Variants in NKAIN1 observed in about 807,000 individuals in gnomAD.
NKAIN1 encodes the protein sodium/potassium-transporting ATPase subunit beta-1-interacting protein 1.
In NKAIN1, 13 loss-of-function variants were observed where a neutral mutation model predicts 31.6. The ratio of observed to expected loss-of-function variants is 0.41; its 90% CI spans 0.27 to 0.65. NKAIN1 has a LOEUF of 0.65. Among genes scored for constraint, NKAIN1 ranks in the 30% least tolerant of loss-of-function variants. NKAIN1 has a pLI of 0.30. For missense variants in NKAIN1, 193 were observed against 262.2 expected (o/e 0.74, Z 1.82); for synonymous variants, 104 against 109.0 (o/e 0.95, Z 0.28).
Position 31,239,454 on chromosome 1 carries a change from G to A in NKAIN1, c.54+40C>T. ...ACGCCCTGGGACCGCGCCCCGCCGC[G>A]CCCCACCCTGCCCCGACTGCCTGGG... On this transcript the variant is annotated intron_variant, in intron 1 of 6. Transcript: ENST00000373736. The surrounding 1 kb of genome is among the most constrained non-coding windows in gnomAD (Gnocchi z 4.8). 2 of 1,422,422 alleles carry A rather than the reference G, an allele frequency of 1.4e-6. No individual in the cohort carries two copies. Among genetic ancestry groups the A allele is most frequent in the Non-Finnish European group, 9.2e-7 (1 of 1,089,068 alleles). 88.1% of individuals were successfully genotyped at this position (1,422,422 alleles called of 1,614,324 possible). A position where few individuals can be genotyped will look rare whatever the true frequency, so the allele number is the denominator to read the frequency against.
In NKAIN1 at chr1:31,233,714, G is replaced by C. The variant is rs964224225; in HGVS notation, c.54+5780C>G. 2.2e-4 allele frequency among the ~76,000 whole-genome samples: 33 copies of C among 152,178 alleles called. No individual in the cohort carries two copies. The highest frequency in any genetic ancestry group is 7.7e-4 in the African/African-American group (32 of 41,432). On this transcript the variant is annotated intron_variant, in intron 1 of 6. Transcript: ENST00000373736. The surrounding 1 kb of genome is among the most constrained non-coding windows in gnomAD (Gnocchi z 4.0). ...GGCAGAGATGGGGCTGACGTGACTT[G>C]TCCAAGTCTCAAGGCAAATCATAGC...
At chr1:31,183,001 T>G (rs553030862) in intron 4 of NKAIN1, among the ~76,000 whole-genome samples, 2 of 152,152 alleles carry the variant, frequency 1.3e-5, no homozygotes, top group South Asian at 4.2e-4. Flanking sequence ...CCTTTCCTTC[T>G]TTCTTTCAGA....
Position 31,181,912 on chromosome 1 carries a change from C to T in NKAIN1, c.562G>A (p.Gly188Arg), listed in dbSNP as rs999999420. The T allele has an allele frequency of 6.2e-7, 1 of 1,607,228 alleles. No homozygotes were observed. Among genetic ancestry groups the T allele is most frequent in the Non-Finnish European group, 8.5e-7 (1 of 1,177,714 alleles). The change falls in exon 6 of 7, where the codon GGA becomes AGA. Residue 188 changes from glycine to arginine, a missense_variant. Coordinates refer to ENST00000373736, the MANE Select transcript of NKAIN1 (RefSeq NM_024522.3). ...FDFIGGFDSY[G>R]YQAPQKTSHL... is the part of the protein sequence containing the mutation. ...GACGTCTTCTGGGGCGCCTGGTATC[C>T]GTAGGAGTCAAAGCCGCCGATGAAG...
chr1:31,198,460 C>G (rs1192215984), intron 1 of NKAIN1, among the ~76,000 whole-genome samples: 1 of 152,136 alleles, frequency 6.6e-6, no homozygotes, highest in African/African-American at 2.4e-5. Flanking sequence ...GAGCTAGGAA[C>G]CTAAACTTTA....
intron 1 of NKAIN1, among the ~76,000 whole-genome samples, chr1:31,216,464 C>T (rs1398489686): frequency 6.6e-6 from 1 of 152,146 alleles, no homozygotes; most frequent in Non-Finnish European, 1.5e-5. Context: ...CCAGGTACAG[C>T]CTAAGGTCAA....
intron 1 of NKAIN1, among the ~76,000 whole-genome samples, chr1:31,216,021 C>A (rs1172246020): frequency 6.6e-6 from 1 of 151,994 alleles, no homozygotes; most frequent in African/African-American, 2.4e-5. Context: ...TGCAGTAAAC[C>A]CAAGTGGTCT....
intron 4 of NKAIN1, among the ~76,000 whole-genome samples, chr1:31,183,030 C>T (rs1187188036): frequency 2.6e-5 from 4 of 151,938 alleles, no homozygotes; most frequent in African/African-American, 9.7e-5. Context: ...CACTCTGTCA[C>T]CCAGGCTGTA....
At chr1:31,226,794 G>A (rs906940987) in intron 1 of NKAIN1, among the ~76,000 whole-genome samples, 1 of 151,900 alleles carries the variant, frequency 6.6e-6, no homozygotes, top group Non-Finnish European at 1.5e-5. Context: ...AAAGTGCTGG[G>A]ATTACAGGCG....
intron 1 of NKAIN1, among the ~76,000 whole-genome samples, chr1:31,189,616 C>A (rs1645270778): frequency 6.6e-6 from 1 of 152,210 alleles, no homozygotes; most frequent in Non-Finnish European, 1.5e-5. Context: ...TGCGCCCAGC[C>A]AAATTTTGCT....
Position 31,181,895 on chromosome 1 carries a change from C to T in NKAIN1, c.579G>A (p.Gln193=), listed in dbSNP as rs767225303. 15 of 1,607,882 alleles carry T rather than the reference C, an allele frequency of 9.3e-6. No individual in the cohort carries two copies. The highest frequency in any genetic ancestry group is 1.3e-5 in the Non-Finnish European group (15 of 1,177,958). The change falls in exon 6 of 7, where the codon CAG becomes CAA. Residue 193 remains glutamine, a synonymous_variant. Coordinates refer to ENST00000373736, the MANE Select transcript of NKAIN1 (RefSeq NM_024522.3). ...GCTGCAGCTGTAAATGCGACGTCTT[C>T]TGGGGCGCCTGGTATCCGTAGGAGT... is the stretch of plus-strand genomic sequence containing the variant. ...GFDSYGYQAP[Q]KTSHLQLQPL...
chr1:31,202,462 G>C (rs919460996), intron 1 of NKAIN1, among the ~76,000 whole-genome samples: 3 of 151,922 alleles, frequency 2.0e-5, no homozygotes, highest in African/African-American at 7.3e-5. Context: ...CGGATCACGA[G>C]GTCAGGAGAT....
At chr1:31,207,995 C>G (rs1374863513) in intron 1 of NKAIN1, among the ~76,000 whole-genome samples, 1 of 152,128 alleles carries the variant, frequency 6.6e-6, no homozygotes, top group African/African-American at 2.4e-5. Context: ...CCAGGTTTCC[C>G]CACTAGCTCT....
chr1:31,218,016 T>TTTTTTCTTTC lies in NKAIN1; in HGVS notation c.54+21477_54+21478insGAAAGAAAAA, dbSNP rs773175985. ...TTGGCCATAATCACAGCAGCTACCA[T>TTTTTTCTTTC]TTTCTTTCTTTCTTTCTTTCTTTCT... On this transcript the variant is annotated intron_variant, in intron 1 of 6. Coordinates refer to ENST00000373736, the MANE Select transcript of NKAIN1 (RefSeq NM_024522.3). 6.1e-4 allele frequency among the ~76,000 whole-genome samples: 66 copies of TTTTTTCTTTC among 108,236 alleles called. 1 individual carries two copies. Among genetic ancestry groups the TTTTTTCTTTC allele is most frequent in the African/African-American group, 2.4e-3 (65 of 27,328 alleles). The allele number at this position is 108,236 out of a possible 152,430, so 71.0% of individuals were successfully genotyped here.
intron 1 of NKAIN1, among the ~76,000 whole-genome samples, chr1:31,216,690 T>TTTTATCTATTTA (rs369336386): frequency 6.1e-4 from 86 of 140,570 alleles, no homozygotes; most frequent in East Asian, 4.7e-3. Context: ...TGGCATTGAC[T>TTTTATCTATTTA]TTTATTTATT....
At position 31,180,556 on chromosome 1, in the gene NKAIN1, T is replaced by G. The variant is rs1407945786; in HGVS notation, c.*1147A>C. The G allele has an allele frequency of 6.6e-6, 1 of 152,034 alleles. No individual in the cohort carries two copies. Among genetic ancestry groups the G allele is most frequent in the Non-Finnish European group, 1.5e-5 (1 of 68,082 alleles). 9.4% of individuals were successfully genotyped at this position (152,034 alleles called of 1,614,324 possible). A position where few individuals can be genotyped will look rare whatever the true frequency, so the allele number is the denominator to read the frequency against. Reference sequence around the variant, plus strand: ...TGCTGGTGATCTGTAAACACTGGAGTCTGGGCAGCGCTGACCAGCATTGCT... The same window carrying G: ...TGCTGGTGATCTGTAAACACTGGAGGCTGGGCAGCGCTGACCAGCATTGCT... On this transcript the variant is annotated 3_prime_UTR_variant, in exon 7 of 7. Coordinates refer to ENST00000373736, the MANE Select transcript of NKAIN1 (RefSeq NM_024522.3).
intron 1 of NKAIN1, among the ~76,000 whole-genome samples, chr1:31,204,328 CAGG>C (rs1276611126): frequency 1.3e-5 from 2 of 152,176 alleles, no homozygotes; most frequent in African/African-American, 2.4e-5. Context: ...AGTGGGAGAC[CAGG>C]AGGAGATGCT....
chr1:31,221,893 T>TA (rs1645567698), intron 1 of NKAIN1, among the ~76,000 whole-genome samples: 1 of 151,848 alleles, frequency 6.6e-6, no homozygotes, highest in African/African-American at 2.4e-5. Context: ...TATTTTATTT[T>TA]TTTGAGACAG....
At chr1:31,231,010 GTA>G (rs1645643847) in intron 1 of NKAIN1, among the ~76,000 whole-genome samples, 1 of 151,346 alleles carries the variant, frequency 6.6e-6, no homozygotes, top group African/African-American at 2.4e-5. Flanking sequence ...AGCCTCCTGA[GTA>G]GCTGGGATTA....
intron 2 of NKAIN1, among the ~76,000 whole-genome samples, chr1:31,187,789 C>T (rs375885943): frequency 3.2e-4 from 48 of 151,922 alleles, no homozygotes; most frequent in African/African-American, 9.4e-4. Flanking sequence ...GTGCCTGGCA[C>T]GTGCCAGGCA....
Sources: gnomAD v4.1 joint callset for allele counts (sites outside exome capture counted in the v4.1 genomes callset) on GRCh38, gnomAD v4.1.1 for gene constraint, Gnocchi (gnomAD v3.1) non-coding constraint, MANE v1.5 for transcripts, NCBI Gene and HGNC (gene_info 2026-07-23, HGNC 2026-07-21) for gene names.